Variants in MTOR observed in about 807,000 individuals in gnomAD.
MTOR encodes mechanistic target of rapamycin kinase, also known as serine/threonine-protein kinase mTOR.
In MTOR, 70 loss-of-function variants were observed where a neutral mutation model predicts 319.8. The ratio of observed to expected loss-of-function variants is 0.22; its 90% CI spans 0.18 to 0.27. The LOEUF is 0.27. MTOR is among the 10% of genes least tolerant of loss of function. The pLI, the probability that MTOR is intolerant of heterozygous loss-of-function variation, is 1.00. For synonymous variants in MTOR, 1,183 were observed against 1,211.4 expected (o/e 0.98, Z 0.49); for missense variants, 1,890 against 3,274.4 (o/e 0.58, Z 10.32).
In MTOR at chr1:11,192,253, G is replaced by C. The variant is rs535666707; in HGVS notation, c.4253+7005C>G. 55 of 1,585,708 alleles carry C rather than the reference G, an allele frequency of 3.5e-5. No homozygotes were observed. In the South Asian group the frequency reaches 6.1e-4, roughly 18 times the overall value. ...CACTGGGTCTAAATGCTCACCCTGT[G>C]GTTTGTTCTCTTGTAGATGCCATCT... is the stretch of plus-strand genomic sequence containing the variant. On this transcript the variant is annotated intron_variant, in intron 28 of 57. Coordinates refer to ENST00000361445, the MANE Select transcript of MTOR (RefSeq NM_004958.4).
In MTOR at chr1:11,189,628, G is replaced by A. The variant is rs572832741; in HGVS notation, c.4253+9630C>T. ...TGTGACCTGGCTCTGCATTTTCATC[G>A]TGGCCTTTGTCAGCCACCCAGCGTG... On this transcript the variant is annotated intron_variant, in intron 28 of 57. Transcript: ENST00000361445. 2.6e-5 allele frequency: 42 copies of A among 1,613,818 alleles called. No individual in the cohort carries two copies. Among genetic ancestry groups the A allele is most frequent in the South Asian group, 5.5e-5 (5 of 91,044 alleles).
chr1:11,243,967 C>T (rs1227560999), intron 8 of MTOR, among the ~76,000 whole-genome samples: 1 of 151,804 alleles, frequency 6.6e-6, no homozygotes. Context: ...CCGCACTGAG[C>T]CAAGAGCCAT....
chr1:11,236,602 G>A (rs1647260786), intron 13 of MTOR, among the ~76,000 whole-genome samples: 1 of 151,606 alleles, frequency 6.6e-6, no homozygotes, highest in Non-Finnish European at 1.5e-5. Flanking sequence ...TCACCTCCTG[G>A]GTTCAAGCAA....
In MTOR at chr1:11,122,136, AC is replaced by A. The variant is rs1417399959; in HGVS notation, c.6663-11del. 1 of 1,614,212 alleles carries A rather than the reference AC, an allele frequency of 6.2e-7. No individual in the cohort carries two copies. The highest frequency in any genetic ancestry group is 1.3e-5 in the African/African-American group (1 of 75,064). ...AGCGTATCTCTGGATGCTGGCGCCC[AC>A]AGAAAAGCAGGGTTAGTGTACCGTA... On this transcript the variant is annotated splice_polypyrimidine_tract_variant and intron_variant, in intron 47 of 57. Transcript: ENST00000361445.
chr1:11,214,373 G>C (rs916268199), intron 20 of MTOR, among the ~76,000 whole-genome samples: 3 of 152,214 alleles, frequency 2.0e-5, no homozygotes, highest in Non-Finnish European at 2.9e-5. Flanking sequence ...CACAGATCCT[G>C]CCTCAGTGCT....
rs184261951 is a variant in MTOR, at chr1:11,145,232, A to G, written c.4687-187T>C. 1.4e-3 allele frequency: 853 copies of G among 596,566 alleles called. 6 individuals are homozygous for G. In the African/African-American group the frequency reaches 0.014, roughly 10 times the overall value. The allele number at this position is 596,566 out of a possible 1,614,324, so 37.0% of individuals were successfully genotyped here. ...GAGAGGAGGTATTATCCAATTTCTCATCGAAGACAGAAATGTATGGCATCC... is the reference window on the plus strand; with the variant it reads ...GAGAGGAGGTATTATCCAATTTCTCGTCGAAGACAGAAATGTATGGCATCC... On this transcript the variant is annotated intron_variant, in intron 32 of 57. Coordinates refer to ENST00000361445, the MANE Select transcript of MTOR (RefSeq NM_004958.4).
At chr1:11,126,563 G>A (rs1570939054) in intron 46 of MTOR, 59 bp downstream of exon 46, 1 of 1,546,144 alleles carries the variant, frequency 6.5e-7, no homozygotes, top group Non-Finnish European at 8.8e-7. Context: ...GAAGAGGGAA[G>A]GGGTCTCAGC....
chr1:11,203,892 A>T (rs1483082892), intron 26 of MTOR, among the ~76,000 whole-genome samples: 1 of 152,230 alleles, frequency 6.6e-6, no homozygotes, highest in Non-Finnish European at 1.5e-5. Flanking sequence ...GACTTAGATC[A>T]TAAAAACACC....
chr1:11,237,698 T>C, intron 13 of MTOR, 145 bp downstream of exon 13: 1 of 808,100 alleles, frequency 1.2e-6, no homozygotes, highest in Non-Finnish European at 2.0e-6. Context: ...AGGGAAACAT[T>C]TGGACCTTTG....
rs1038533389 is a variant in MTOR, at chr1:11,210,679, T to C, written c.3654+135A>G. ...GAGCTGCAAAAGAGACCACATAGTC[T>C]ACAAAACTGGAAAAAAGTTTGCCAA... On this transcript the variant is annotated intron_variant, in intron 24 of 57. Transcript: ENST00000361445. The C allele has an allele frequency of 6.3e-6, 4 of 631,632 alleles. No homozygotes were observed. The African/African-American group carries it at 7.3e-5, about 12-fold the overall frequency. The allele number at this position is 631,632 out of a possible 1,614,324, so 39.1% of individuals were successfully genotyped here. A position where few individuals can be genotyped will look rare whatever the true frequency, so the allele number is the denominator to read the frequency against.
chr1:11,153,427 T>G (rs924379386), intron 30 of MTOR, among the ~76,000 whole-genome samples: 2 of 152,198 alleles, frequency 1.3e-5, no homozygotes, highest in Non-Finnish European at 2.9e-5. Context: ...GCTGTGATAT[T>G]TATATGTAAA....
intron 6 of MTOR, among the ~76,000 whole-genome samples, chr1:11,249,486 T>C (rs1206119389): frequency 6.7e-6 from 1 of 150,280 alleles, no homozygotes; most frequent in African/African-American, 2.4e-5. Flanking sequence ...GGCAGGGTCA[T>C]GGGACAATAG....
intron 53 of MTOR, among the ~76,000 whole-genome samples, chr1:11,113,591 T>G (rs1184728459): frequency 6.6e-6 from 1 of 152,182 alleles, no homozygotes; most frequent in African/African-American, 2.4e-5. Flanking sequence ...TGTTTTCTTT[T>G]ATTTTTAAAA....
intron 19 of MTOR, among the ~76,000 whole-genome samples, chr1:11,222,131 T>G (rs1173508478): frequency 9.3e-6 from 1 of 108,060 alleles, no homozygotes. Context: ...TTTTCCTACA[T>G]GATCTACACT....
At chr1:11,150,899 G>A (rs1223626591) in intron 30 of MTOR, among the ~76,000 whole-genome samples, 3 of 152,052 alleles carry the variant, frequency 2.0e-5, no homozygotes, top group Non-Finnish European at 4.4e-5. Flanking sequence ...CTCATGTTTC[G>A]CTTCTCAGTG....
chr1:11,113,363 A>C (rs1348512627), intron 53 of MTOR, among the ~76,000 whole-genome samples: 1 of 152,232 alleles, frequency 6.6e-6, no homozygotes, highest in Non-Finnish European at 1.5e-5. Flanking sequence ...TTAGTATCTA[A>C]ATTGATAATG....
intron 49 of MTOR, 79 bp from the exon 50 acceptor site, chr1:11,117,165 T>G (rs968243086): frequency 5.8e-6 from 7 of 1,212,784 alleles, no homozygotes; most frequent in South Asian, 1.4e-5. Context: ...AAGCTGTCTT[T>G]GGTTTGTACT....
rs149628624 is a variant in MTOR, at chr1:11,165,049, G to A, written c.4329+2393C>T. 7.1e-3 allele frequency among the ~76,000 whole-genome samples: 1,075 copies of A among 152,198 alleles called. 19 individuals carry two copies. Among genetic ancestry groups the A allele is most frequent in the African/African-American group, 0.024 (1,012 of 41,518 alleles). The stretch of plus-strand genomic sequence containing the variant: ...AAGGCCTTCAAGAAAATTCAACAGC[G>A]CTTCATGCTAAAAACTCTCAATAAA... On this transcript the variant is annotated intron_variant, in intron 29 of 57. Transcript: ENST00000361445.
chr1:11,243,979 C>T (rs929086087), intron 8 of MTOR, among the ~76,000 whole-genome samples: 2 of 151,978 alleles, frequency 1.3e-5, no homozygotes, highest in African/African-American at 4.8e-5. Context: ...AAGAGCCATG[C>T]ACTCCAGCCT....
Sources: gnomAD v4.1 joint callset for allele counts (sites outside exome capture counted in the v4.1 genomes callset) on GRCh38, gnomAD v4.1.1 for gene constraint, MANE v1.5 for transcripts, NCBI Gene and HGNC (gene_info 2026-07-23, HGNC 2026-07-21) for gene names.